LDB3: variants seen among roughly 807,000 people sequenced by gnomAD.
The protein encoded by LDB3 is LIM domain-binding protein 3.
LDB3 carries 49 observed loss-of-function variants against 69.0 expected under a neutral mutation model. The ratio of observed to expected loss-of-function variants is 0.71; its 90% confidence interval spans 0.56 to 0.90. The LOEUF (loss-of-function observed/expected upper bound fraction) is 0.90, where lower values mean the gene tolerates loss of function less well. LDB3 is among the 40% of genes least tolerant of loss of function. LDB3 has a pLI of 0.00. For synonymous variants in LDB3, 387 were observed against 396.2 expected, an observed-to-expected ratio of 0.98 and a Z score of 0.28; for missense variants, 928 against 974.1, an observed-to-expected ratio of 0.95 and a Z score of 0.63.
At chr10:86,672,612 G>T (rs1280841409) in intron 2 of LDB3, among the ~76,000 whole-genome samples, 1 of 148,206 alleles carries the variant, frequency 6.7e-6, no homozygotes, top group Non-Finnish European at 1.5e-5. Flanking sequence ...AGTGGGGCTG[G>T]CAGGGGCCTC....
chr10:86,722,644 T>A (rs1479860588), intron 12 of LDB3, among the ~76,000 whole-genome samples: 1 of 133,416 alleles, frequency 7.5e-6, no homozygotes, highest in Non-Finnish European at 1.6e-5. Flanking sequence ...CTTGACTCAC[T>A]GCAACCTCCG....
At chr10:86,697,204 C>T (rs1244347181) in intron 7 of LDB3, among the ~76,000 whole-genome samples, 1 of 147,672 alleles carries the variant, frequency 6.8e-6, no homozygotes, top group South Asian at 2.1e-4. Context: ...TTTTTATATG[C>T]TAGCAATTCA....
chr10:86,714,600 G>A (rs1237241927), intron 9 of LDB3, among the ~76,000 whole-genome samples: 4 of 147,270 alleles, frequency 2.7e-5, no homozygotes, highest in Non-Finnish European at 4.5e-5. Context: ...CTGTTGCCCA[G>A]GCTGGAGTGC....
intron 12 of LDB3, among the ~76,000 whole-genome samples, chr10:86,725,627 A>G (rs1353234754): frequency 6.6e-6 from 1 of 152,216 alleles, no homozygotes; most frequent in African/African-American, 2.4e-5. Flanking sequence ...GTAGGGAAGG[A>G]GGAGGAGGAC....
chr10:86,698,773 G>C (rs1846119891), intron 7 of LDB3, among the ~76,000 whole-genome samples: 1 of 152,158 alleles, frequency 6.6e-6, no homozygotes, highest in Non-Finnish European at 1.5e-5. Context: ...GGCAGCACAG[G>C]GAAGGGGCAG....
intron 12 of LDB3, among the ~76,000 whole-genome samples, chr10:86,724,682 C>T (rs1589683792): frequency 6.6e-6 from 1 of 151,586 alleles, no homozygotes; most frequent in South Asian, 2.1e-4. Context: ...TATCTCTTCA[C>T]AGAGATGTCA....
intron 5 of LDB3, chr10:86,685,581 C>T: frequency 7.7e-7 from 1 of 1,296,386 alleles, no homozygotes. Flanking sequence ...GGTTCTGCCT[C>T]CACAATGACC....
intron 2 of LDB3, among the ~76,000 whole-genome samples, chr10:86,678,664 A>G (rs1311242390): frequency 6.6e-6 from 1 of 151,834 alleles, no homozygotes; most frequent in Non-Finnish European, 1.5e-5. Flanking sequence ...TAAGAGACAG[A>G]GTCTCCCTCT....
Position 86,712,996 on chromosome 10 carries a change from G to A in LDB3, c.1231+2946G>A, listed in dbSNP as rs191657967. ...GAATCACTTGAACCCAGGAGGCAGA[G>A]GTGGCTGTGAAGCCGAGATTGCGCC... On this transcript the variant is annotated intron_variant, in intron 9 of 13. Coordinates refer to ENST00000361373, the MANE Select transcript of LDB3 (RefSeq NM_007078.3). Among the ~76,000 whole-genome samples the A allele has an allele frequency of 2.6e-5, 4 of 152,186 alleles. No individual in the cohort carries two copies. In the East Asian group the frequency reaches 7.7e-4, roughly 29 times the overall value.
At chr10:86,697,127 C>G (rs548945546) in intron 7 of LDB3, among the ~76,000 whole-genome samples, 1 of 151,806 alleles carries the variant, frequency 6.6e-6, no homozygotes, top group African/African-American at 2.4e-5. Context: ...ATGACTGTTA[C>G]TGTGCAGAAA....
chr10:86,682,560 G>GC (rs1564635958), intron 5 of LDB3, among the ~76,000 whole-genome samples: 3 of 152,150 alleles, frequency 2.0e-5, no homozygotes, highest in African/African-American at 4.8e-5. Context: ...TTAGCTCTGA[G>GC]CCCTTCACGC....
chr10:86,683,544 C>T (rs139057517), intron 5 of LDB3, among the ~76,000 whole-genome samples: 4 of 152,332 alleles, frequency 2.6e-5, no homozygotes, highest in Admixed American at 1.3e-4. Context: ...ACTCTGCTGT[C>T]GGTGCAGGGG....
chr10:86,712,912 T>C (rs974149280), intron 9 of LDB3, among the ~76,000 whole-genome samples: 10 of 151,746 alleles, frequency 6.6e-5, no homozygotes, highest in Non-Finnish European at 1.5e-4. Context: ...GTACAAAAAA[T>C]TAGCCGGGCG....
At chr10:86,715,168 G>T (rs991326144) in intron 9 of LDB3, among the ~76,000 whole-genome samples, 1 of 152,174 alleles carries the variant, frequency 6.6e-6, no homozygotes, top group East Asian at 1.9e-4. Context: ...AGTATGGGGT[G>T]GGGGGCAGAG....
chr10:86,724,621 A>AAAAT (rs913520797), intron 12 of LDB3, among the ~76,000 whole-genome samples: 11 of 151,620 alleles, frequency 7.3e-5, no homozygotes, highest in African/African-American at 1.7e-4. Context: ...ATAAAAATAA[A>AAAAT]AAATAAATAA....
At chr10:86,672,540 A>G (rs569358797) in intron 2 of LDB3, among the ~76,000 whole-genome samples, 1 of 152,354 alleles carries the variant, frequency 6.6e-6, no homozygotes, top group African/African-American at 2.4e-5. Flanking sequence ...AGCTCTTAGC[A>G]GTGCTGACAG....
intron 5 of LDB3, 125 bp from the exon 6 acceptor site, chr10:86,691,771 C>G: frequency 1.8e-6 from 2 of 1,095,424 alleles, no homozygotes; most frequent in East Asian, 2.4e-5. Flanking sequence ...TCTCAGACAG[C>G]AATGGATAAA....
At chr10:86,684,057 C>T (rs987231144) in intron 5 of LDB3, among the ~76,000 whole-genome samples, 1 of 152,258 alleles carries the variant, frequency 6.6e-6, no homozygotes, top group Admixed American at 6.5e-5. Context: ...CTCCTCTGGG[C>T]AACTTGCAGT....
rs566227366 is a variant in LDB3, at chr10:86,669,263, G to A, written c.93+479G>A. On this transcript the variant is annotated intron_variant, in intron 2 of 13. Coordinates refer to ENST00000361373, the MANE Select transcript of LDB3 (RefSeq NM_007078.3). ...TGACCTTGGCTGCCCAGCTGTCAGA[G>A]TGTGGGGCTGGGCTGGACTGAGTAC... Among the ~76,000 whole-genome samples, 3 of 152,304 alleles carry A rather than the reference G, an allele frequency of 2.0e-5. No individual in the cohort carries two copies. In the East Asian group the frequency reaches 5.8e-4, roughly 29 times the overall value.
Sources: gnomAD v4.1 joint callset for allele counts (sites outside exome capture counted in the v4.1 genomes callset) on GRCh38, gnomAD v4.1.1 for gene constraint, MANE v1.5 for transcripts, NCBI Gene and HGNC (gene_info 2026-07-23, HGNC 2026-07-21) for gene names.